Variants in SHOC2 observed in about 807,000 individuals in gnomAD.
SHOC2 encodes the protein SHOC2 leucine rich repeat scaffold protein, also known as leucine-rich repeat protein SHOC-2.
Under a neutral mutation model 50.2 loss-of-function variants are expected in SHOC2, and 4 were observed. That is an observed-to-expected ratio of 0.08 (90% confidence interval 0.04 to 0.18). The LOEUF (loss-of-function observed/expected upper bound fraction) is 0.18, where lower values mean the gene tolerates loss of function less well. SHOC2 is among the 10% of genes least tolerant of loss of function. SHOC2 has a pLI of 1.00. For missense variants in SHOC2, 388 were observed against 669.6 expected, an observed-to-expected ratio of 0.58 and a Z score of 4.64; for synonymous variants, 218 against 244.5, an observed-to-expected ratio of 0.89 and a Z score of 1.01.
chr10:110,955,492 G>GA (rs1184178974), intron 1 of SHOC2, among the ~76,000 whole-genome samples: 1 of 152,136 alleles, frequency 6.6e-6, no homozygotes, highest in Non-Finnish European at 1.5e-5. Flanking sequence ...GATTGGGGGG[G>GA]AAATCTATTG....
rs111888497 is a variant in SHOC2 at position 110,987,042 on chromosome 10, A to G, written c.841+1277A>G. On this transcript the variant is annotated intron_variant, in intron 3 of 8. Transcript: ENST00000369452. Reference sequence around the variant, plus strand: ...TAGAGGGTCCCAGTTGAGGTTGATGACTAGAGTCCCCACCCTTGGCAGGCC... The same window carrying G: ...TAGAGGGTCCCAGTTGAGGTTGATGGCTAGAGTCCCCACCCTTGGCAGGCC... Among the ~76,000 whole-genome samples, 435 of 152,214 alleles carry G rather than the reference A, an allele frequency of 2.9e-3. 2 individuals are homozygous for G. The highest frequency in any genetic ancestry group is 9.3e-3 in the African/African-American group (386 of 41,534).
At chr10:110,922,366 A>G (rs1846670702) in intron 1 of SHOC2, among the ~76,000 whole-genome samples, 1 of 152,138 alleles carries the variant, frequency 6.6e-6, no homozygotes, top group Non-Finnish European at 1.5e-5. Context: ...ATACAGGTGG[A>G]TAAATTATAG....
intron 1 of SHOC2, among the ~76,000 whole-genome samples, chr10:110,929,092 CAAAG>C (rs1247642940): frequency 3.3e-5 from 5 of 152,044 alleles, no homozygotes; most frequent in African/African-American, 1.2e-4. Context: ...TTTGTTTTAT[CAAAG>C]AAAGCTGAAA....
chr10:110,968,541 T>C (rs887948942), intron 2 of SHOC2, among the ~76,000 whole-genome samples: 1 of 151,176 alleles, frequency 6.6e-6, no homozygotes, highest in Non-Finnish European at 1.5e-5. Context: ...TTTATAAATA[T>C]ATATTAAATT....
chr10:110,933,070 A>G (rs1846926315), intron 1 of SHOC2, among the ~76,000 whole-genome samples: 1 of 152,170 alleles, frequency 6.6e-6, no homozygotes, highest in South Asian at 2.1e-4. Flanking sequence ...CTTTATGGGT[A>G]ATCATAGACT....
chr10:110,958,342 T>C (rs1378233629), intron 1 of SHOC2, among the ~76,000 whole-genome samples: 1 of 152,074 alleles, frequency 6.6e-6, no homozygotes, highest in African/African-American at 2.4e-5. Context: ...GCCTCCTGAG[T>C]AGCTGGGACT....
In SHOC2 at chr10:111,011,978, T is replaced by A; in HGVS notation, c.*160T>A. On this transcript the variant is annotated 3_prime_UTR_variant, in exon 9 of 9. Coordinates refer to ENST00000369452, the MANE Select transcript of SHOC2 (RefSeq NM_007373.4). Reference sequence around the variant, plus strand: ...GAGGAATCATAGCCATTTAGAATTTTTTTTAAATTCTGTACAAAAGGCTTA... The same window carrying A: ...GAGGAATCATAGCCATTTAGAATTTATTTTAAATTCTGTACAAAAGGCTTA... The A allele has an allele frequency of 3.0e-6, 2 of 659,052 alleles. No homozygotes were observed. The highest frequency in any genetic ancestry group is 3.8e-5 in the South Asian group (2 of 52,306). 40.8% of individuals were successfully genotyped at this position (659,052 alleles called of 1,614,324 possible).
At chr10:110,960,700 G>GA (rs1217564524) in intron 1 of SHOC2, among the ~76,000 whole-genome samples, 1 of 152,112 alleles carries the variant, frequency 6.6e-6, no homozygotes. Context: ...TGTTTTTGAG[G>GA]AATCTCTCTC....
chr10:110,964,135 G>T lies in SHOC2; in HGVS notation c.-224G>T. 1 of 587,774 alleles carries T rather than the reference G, an allele frequency of 1.7e-6. No homozygotes were observed. Among genetic ancestry groups the T allele is most frequent in the South Asian group, 2.4e-5 (1 of 41,206 alleles). 36.4% of individuals were successfully genotyped at this position (587,774 alleles called of 1,614,324 possible). On this transcript the variant is annotated 5_prime_UTR_variant, in exon 2 of 9. It removes an upstream start codon present in the reference 5' UTR. Coordinates refer to ENST00000369452, the MANE Select transcript of SHOC2 (RefSeq NM_007373.4). The surrounding 1 kb of genome is among the most constrained non-coding windows in gnomAD (Gnocchi z 4.9). ...TATATTATATTTCAGGAACTCTAAT[G>T]AATCATTGATTGACCAGCACTATTT...
chr10:110,984,425 T>C (rs111949863), intron 2 of SHOC2, among the ~76,000 whole-genome samples: 6 of 152,334 alleles, frequency 3.9e-5, no homozygotes, highest in Middle Eastern at 3.4e-3. Context: ...ATATATGATT[T>C]GCATATATTT....
intron 1 of SHOC2, among the ~76,000 whole-genome samples, chr10:110,924,072 G>T (rs1025238564): frequency 6.6e-6 from 1 of 151,856 alleles, no homozygotes; most frequent in Non-Finnish European, 1.5e-5. Flanking sequence ...CCTGCTTTCA[G>T]TACTTTCTCA....
At position 110,933,372 on chromosome 10, in the gene SHOC2, TTA is replaced by T. The variant is rs530337303; in HGVS notation, c.-235+13721_-235+13722del. Among the ~76,000 whole-genome samples, 16 of 152,172 alleles carry T rather than the reference TTA, an allele frequency of 1.1e-4. No homozygotes were observed. The South Asian group carries it at 3.3e-3, about 31-fold the overall frequency. ...TTGAAAATTTTATATATATTTATGA[TTA>T]TATATGATTAAGTTAAAAGAAAAAT... On this transcript the variant is annotated intron_variant, in intron 1 of 8. Coordinates refer to ENST00000369452, the MANE Select transcript of SHOC2 (RefSeq NM_007373.4).
At chr10:110,990,880 A>G (rs1386518698) in intron 3 of SHOC2, among the ~76,000 whole-genome samples, 1 of 152,222 alleles carries the variant, frequency 6.6e-6, no homozygotes, top group Non-Finnish European at 1.5e-5. Context: ...CCTCTCATTG[A>G]TGTTTAGTCA....
chr10:110,934,882 C>T (rs111999450), intron 1 of SHOC2, among the ~76,000 whole-genome samples: 2 of 152,044 alleles, frequency 1.3e-5, no homozygotes, highest in African/African-American at 4.8e-5. Flanking sequence ...TCCATACATG[C>T]ATGTGGTGTA....
intron 1 of SHOC2, among the ~76,000 whole-genome samples, chr10:110,933,482 A>G (rs1274518419): frequency 6.6e-6 from 1 of 152,242 alleles, no homozygotes; most frequent in African/African-American, 2.4e-5. Flanking sequence ...ATGTAGCCAA[A>G]TAAACCAATA....
At chr10:110,962,201 C>T (rs1464273182) in intron 1 of SHOC2, among the ~76,000 whole-genome samples, 1 of 151,956 alleles carries the variant, frequency 6.6e-6, no homozygotes, top group Admixed American at 6.6e-5. Flanking sequence ...TTCATTTGAT[C>T]CTTATATAGG....
At chr10:110,965,127 C>T (rs1368396640) in intron 2 of SHOC2, 66 bp downstream of exon 2, 1 of 1,405,052 alleles carries the variant, frequency 7.1e-7, no homozygotes, top group East Asian at 2.4e-5. Context: ...AGTGCTTTCT[C>T]ATATCAAAAA....
intron 1 of SHOC2, among the ~76,000 whole-genome samples, chr10:110,952,686 G>C (rs958862456): frequency 6.6e-6 from 1 of 152,062 alleles, no homozygotes; most frequent in African/African-American, 2.4e-5. Flanking sequence ...GCTGCATTAG[G>C]TGTTTGTCTT....
At chr10:110,980,712 C>G (rs1847960496) in intron 2 of SHOC2, among the ~76,000 whole-genome samples, 1 of 152,010 alleles carries the variant, frequency 6.6e-6, no homozygotes, top group Non-Finnish European at 1.5e-5. Flanking sequence ...ATTTAAGACC[C>G]TAGATTTCTC....
Sources: gnomAD v4.1 joint callset for allele counts (sites outside exome capture counted in the v4.1 genomes callset) on GRCh38, gnomAD v4.1.1 for gene constraint, Gnocchi (gnomAD v3.1) non-coding constraint, MANE v1.5 for transcripts, NCBI Gene and HGNC (gene_info 2026-07-23, HGNC 2026-07-21) for gene names.